RABGEF1: variants seen among roughly 807,000 people sequenced by gnomAD.
The protein encoded by RABGEF1 is RAB guanine nucleotide exchange factor 1.
A neutral mutation model predicts 57.3 loss-of-function variants in RABGEF1; 26 were observed. The ratio of observed to expected loss-of-function variants is 0.45; its 90% CI spans 0.33 to 0.63. The LOEUF is 0.63. Ranked by LOEUF, RABGEF1 falls within the 20% of genes least tolerant of loss-of-function variation. The probability of loss-of-function intolerance (pLI) is 0.02; values close to 1 mark genes in which losing one functional copy is unlikely to be tolerated. For synonymous variants in RABGEF1, 185 were observed against 210.7 expected (o/e 0.88, Z 1.06); for missense variants, 464 against 607.6 (o/e 0.76, Z 2.48).
At chr7:66,784,385 T>C (rs1810668201) in intron 4 of RABGEF1, among the ~76,000 whole-genome samples, 1 of 152,200 alleles carries the variant, frequency 6.6e-6, no homozygotes, top group South Asian at 2.1e-4. Flanking sequence ...TTGTCCAAGG[T>C]TACACAGCTA....
At chr7:66,714,260 C>T (rs189177601) in intron 2 of RABGEF1, among the ~76,000 whole-genome samples, 2 of 152,046 alleles carry the variant, frequency 1.3e-5, no homozygotes, top group East Asian at 3.8e-4. Flanking sequence ...GGGACTATTC[C>T]CATTCTCTGT....
chr7:66,732,696 G>GCTCT (rs369579457), intron 2 of RABGEF1, among the ~76,000 whole-genome samples: 1 of 151,568 alleles, frequency 6.6e-6, no homozygotes, highest in Non-Finnish European at 1.5e-5. Context: ...GCGCTCTTGT[G>GCTCT]CTCTCTCTCT....
intron 2 of RABGEF1, among the ~76,000 whole-genome samples, chr7:66,727,698 A>T (rs1406171099): frequency 3.3e-5 from 5 of 152,354 alleles, no homozygotes; most frequent in Admixed American, 2.6e-4. Flanking sequence ...AGCCCCTCGC[A>T]GGGGTCCTGG....
intron 3 of RABGEF1, among the ~76,000 whole-genome samples, chr7:66,779,322 G>A (rs12533018): frequency 0.037 from 5,489 of 149,666 alleles, 153 homozygotes; most frequent in Middle Eastern, 0.076. Context: ...TGGCCAACAT[G>A]GTGAAACCCT....
chr7:66,800,247 G>A (rs1291931315), intron 7 of RABGEF1, among the ~76,000 whole-genome samples: 4 of 152,142 alleles, frequency 2.6e-5, no homozygotes, highest in East Asian at 1.9e-4. Flanking sequence ...AGAAATGGAG[G>A]TTTGCTTAAG....
chr7:66,718,073 T>C (rs1795601875), intron 2 of RABGEF1, among the ~76,000 whole-genome samples: 1 of 152,138 alleles, frequency 6.6e-6, no homozygotes, highest in African/African-American at 2.4e-5. Context: ...GTTAAATAGG[T>C]AGGCCAGGCA....
chr7:66,797,646 T>TGAG, intron 6 of RABGEF1, 140 bp downstream of exon 6: 2 of 944,022 alleles, frequency 2.1e-6, no homozygotes, highest in South Asian at 1.8e-5. Flanking sequence ...TGGAAGCAGC[T>TGAG]CTGTTGTGTA....
upstream of RABGEF1, among the ~76,000 whole-genome samples, chr7:66,678,918 G>C (rs1291875301): frequency 6.6e-6 from 1 of 152,184 alleles, no homozygotes; most frequent in Admixed American, 6.6e-5. Flanking sequence ...AAACAAGAAA[G>C]TACTCACGTG....
intron 3 of RABGEF1, among the ~76,000 whole-genome samples, chr7:66,779,084 T>C (rs1445770549): frequency 2.0e-5 from 3 of 151,996 alleles, no homozygotes; most frequent in Non-Finnish European, 4.4e-5. Context: ...CACTCCAGCC[T>C]GGGCAACAAA....
chr7:66,797,483 T>C lies in RABGEF1; in HGVS notation c.705T>C (p.Asp235=), dbSNP rs1786267713. 2 of 1,610,070 alleles carry C rather than the reference T, an allele frequency of 1.2e-6. No homozygotes were observed. Among genetic ancestry groups the C allele is most frequent in the African/African-American group, 2.7e-5 (2 of 74,872 alleles). The change falls in exon 6 of 9, where the codon GAT becomes GAC. Residue 235 remains aspartate, a synonymous_variant. Coordinates refer to ENST00000284957, the MANE Select transcript of RABGEF1 (RefSeq NM_014504.3). ...CPETTDDEKK[D]LAIQKRIRAL... is the part of the protein sequence containing the mutation. The stretch of plus-strand genomic sequence containing the variant: ...AAACTACTGATGATGAGAAGAAAGA[T>C]CTTGCCATTCAAAAGAGAATCAGGT...
the RABGEF1 span, among the ~76,000 whole-genome samples, chr7:66,658,787 G>A: frequency 5.9e-5 from 9 of 152,084 alleles, no homozygotes; most frequent in African/African-American, 2.2e-4. Flanking sequence ...CCACGCTAGA[G>A]TGCAGTGGCG....
chr7:66,738,624 A>G (rs1278443102), upstream of RABGEF1, among the ~76,000 whole-genome samples: 1 of 150,326 alleles, frequency 6.7e-6, no homozygotes, highest in African/African-American at 2.4e-5. Context: ...CCCAGCTACT[A>G]GGGAGGTGGA....
intron 2 of RABGEF1, among the ~76,000 whole-genome samples, chr7:66,718,149 C>T (rs574976601): frequency 1.2e-3 from 182 of 152,196 alleles, no homozygotes; most frequent in Non-Finnish European, 2.2e-3. Context: ...TCGAGACCAG[C>T]CTGGCCAACA....
Position 66,809,256 on chromosome 7 carries a change from C to T in RABGEF1, c.1448C>T (p.Pro483Leu), listed in dbSNP as rs749698494. Residue 483 changes from proline (P) to leucine (L), a missense_variant, in exon 9 of 9, where the codon CCA (proline) becomes CTA (leucine). Pro to Leu is a moderately conservative substitution (Grantham distance 98, BLOSUM62 -3). This residue lies in a region of RABGEF1 where 151 missense variants were observed against 152.2 expected (regional missense o/e 0.99). Transcript: ENST00000284957. ...ENVENDKLPPPLQPQVYAG is the reference protein window; with the variant it reads ...ENVENDKLPPLLQPQVYAG ...GTTGAAAATGATAAACTTCCTCCACCACTGCAACCTCAAGTTTATGCAGGA... is the reference window on the plus strand; with the variant it reads ...GTTGAAAATGATAAACTTCCTCCACTACTGCAACCTCAAGTTTATGCAGGA... 1.2e-6 allele frequency: 2 copies of T among 1,610,558 alleles called. No individual in the cohort carries two copies. Among genetic ancestry groups the T allele is most frequent in the Admixed American group, 3.3e-5 (2 of 59,720 alleles).
intron 1 of RABGEF1, among the ~76,000 whole-genome samples, chr7:66,764,805 A>G (rs1805298340): frequency 6.6e-6 from 1 of 152,232 alleles, no homozygotes; most frequent in African/African-American, 2.4e-5. Flanking sequence ...TCTCAATTCT[A>G]TTCCGTTGAT....
At chr7:66,769,868 A>G (rs965862252) in intron 1 of RABGEF1, among the ~76,000 whole-genome samples, 4 of 152,140 alleles carry the variant, frequency 2.6e-5, no homozygotes, top group Non-Finnish European at 4.4e-5. Context: ...TACATCATTC[A>G]TATTTTACAC....
chr7:66,789,205 G>C (rs1221784357), intron 4 of RABGEF1, among the ~76,000 whole-genome samples: 1 of 152,154 alleles, frequency 6.6e-6, no homozygotes, highest in Non-Finnish European at 1.5e-5. Context: ...AAGAACAGAA[G>C]TATGTACCCA....
Position 66,809,026 on chromosome 7 carries a change from C to T in RABGEF1, c.1218C>T (p.Gly406=), listed in dbSNP as rs767176095. The change falls in exon 9 of 9, where the codon GGC becomes GGT. Residue 406 remains glycine (G), a synonymous_variant. Coordinates refer to ENST00000284957, the MANE Select transcript of RABGEF1 (RefSeq NM_014504.3). ...AESWSPDACL[G]VKQMYKNLDL... The stretch of plus-strand genomic sequence containing the variant: ...GTTGGTCTCCTGATGCTTGCTTAGG[C>T]GTCAAGCAAATGTATAAGAACTTGG... The T allele has an allele frequency of 4.3e-6, 7 of 1,613,916 alleles. No homozygotes were observed. The highest frequency in any genetic ancestry group is 4.0e-5 in the African/African-American group (3 of 74,860).
intron 1 of RABGEF1, among the ~76,000 whole-genome samples, chr7:66,698,548 T>C (rs957822274): frequency 1.3e-5 from 2 of 152,116 alleles, no homozygotes; most frequent in African/African-American, 4.8e-5. Flanking sequence ...GGAGGTGATT[T>C]TGGAGCAGGG....
Sources: gnomAD v4.1 joint callset for allele counts (sites outside exome capture counted in the v4.1 genomes callset) on GRCh38, gnomAD v4.1.1 for gene constraint, gnomAD v4.1.1 regional missense constraint, MANE v1.5 for transcripts, NCBI Gene and HGNC (gene_info 2026-07-23, HGNC 2026-07-21) for gene names.